GPHN: variants seen among roughly 807,000 people sequenced by gnomAD.
GPHN encodes the protein gephyrin.
A neutral mutation model predicts 95.5 loss-of-function variants in GPHN; 17 were observed. The ratio of observed to expected loss-of-function variants is 0.18; its 90% CI spans 0.12 to 0.27. GPHN has a LOEUF of 0.27. Ranked by LOEUF, GPHN falls within the 10% of genes least tolerant of loss-of-function variation. GPHN has a pLI of 1.00. For missense variants in GPHN, 660 were observed against 978.1 expected (o/e 0.67, Z 4.34); for synonymous variants, 320 against 322.5 (o/e 0.99, Z 0.08).
rs113472596 is a variant in GPHN, at chr14:66,624,489, T to C, written c.65-56618T>C. Among the ~76,000 whole-genome samples, 12 of 152,326 alleles carry C rather than the reference T, an allele frequency of 7.9e-5. 2 individuals carry two copies. The highest frequency in any genetic ancestry group is 2.9e-4 in the African/African-American group (12 of 41,562). ...TAAACGGTTGGGTCTGGTTCTCTGATAGCTTAAGTGAAAAGCTAATGGTGT... is the reference window on the plus strand; with the variant it reads ...TAAACGGTTGGGTCTGGTTCTCTGACAGCTTAAGTGAAAAGCTAATGGTGT... On this transcript the variant is annotated intron_variant, in intron 1 of 22. Transcript: ENST00000478722.
At chr14:67,156,737 G>A (rs1464185773) in intron 18 of GPHN, among the ~76,000 whole-genome samples, 1 of 152,090 alleles carries the variant, frequency 6.6e-6, no homozygotes, top group Non-Finnish European at 1.5e-5. Context: ...AGCACTTTAG[G>A]AGGCTGAGGT....
chr14:67,516,402 G>C, the GPHN span, among the ~76,000 whole-genome samples: 2 of 152,274 alleles, frequency 1.3e-5, 1 homozygote, highest in Middle Eastern at 6.8e-3. Context: ...CTGGAGAGGG[G>C]GGGAAATGAG....
At chr14:67,574,378 C>A in the GPHN span, 1 of 1,586,802 alleles carries the variant, frequency 6.3e-7, no homozygotes, top group Admixed American at 1.8e-5. The surrounding 1 kb of genome is among the most constrained non-coding windows in gnomAD (Gnocchi z 4.2). Flanking sequence ...GGCACCAAGC[C>A]CACCGTGAAG....
chr14:67,455,018 T>G, the GPHN span, among the ~76,000 whole-genome samples: 9 of 152,162 alleles, frequency 5.9e-5, no homozygotes, highest in Non-Finnish European at 1.2e-4. Flanking sequence ...GCTGGCTAAT[T>G]TTTGGATTTT....
At chr14:67,364,935 C>T in the GPHN span, 1 of 1,613,964 alleles carries the variant, frequency 6.2e-7, no homozygotes. Context: ...GAAGGCGTAT[C>T]CGTTCTATCA....
At chr14:66,642,140 A>G (rs2064449619) in intron 1 of GPHN, among the ~76,000 whole-genome samples, 2 of 152,190 alleles carry the variant, frequency 1.3e-5, no homozygotes, top group Non-Finnish European at 2.9e-5. Flanking sequence ...AATTCGTGGT[A>G]CCTGTGAATA....
chr14:67,393,147 C>G, the GPHN span: 10 of 1,606,886 alleles, frequency 6.2e-6, no homozygotes, highest in Admixed American at 1.7e-5. Flanking sequence ...GGGACAGGCT[C>G]ACCGAGGAAG....
chr14:67,388,479 C>T, the GPHN span, among the ~76,000 whole-genome samples: 1 of 152,150 alleles, frequency 6.6e-6, no homozygotes, highest in East Asian at 1.9e-4. Flanking sequence ...GAAGCTTGGG[C>T]CTCTTCATTT....
At chr14:66,581,747 A>C (rs938356990) in intron 1 of GPHN, among the ~76,000 whole-genome samples, 4 of 152,010 alleles carry the variant, frequency 2.6e-5, no homozygotes, top group African/African-American at 9.7e-5. Flanking sequence ...GAGTAGCTAT[A>C]CTTATATCAG....
chr14:67,641,224 A>G, the GPHN span, among the ~76,000 whole-genome samples: 1 of 152,170 alleles, frequency 6.6e-6, no homozygotes, highest in Non-Finnish European at 1.5e-5. Context: ...CTATGTGTAT[A>G]AAGTGTGTAT....
intron 1 of GPHN, among the ~76,000 whole-genome samples, chr14:66,528,096 A>T (rs1339559578): frequency 6.6e-6 from 1 of 152,082 alleles, no homozygotes; most frequent in Non-Finnish European, 1.5e-5. Context: ...ATTGTGTGGG[A>T]GTCTAAGTCT....
chr14:67,473,292 T>A, the GPHN span: 1 of 1,317,474 alleles, frequency 7.6e-7, no homozygotes, highest in South Asian at 1.4e-5. This position sits in a 1 kb window ranked among gnomAD's most constrained non-coding sequence, Gnocchi z 6.5. Context: ...GGGGGCTCTG[T>A]GTGCCCTATA....
chr14:66,653,945 A>C (rs1357007609), intron 1 of GPHN, among the ~76,000 whole-genome samples: 1 of 152,196 alleles, frequency 6.6e-6, no homozygotes, highest in Non-Finnish European at 1.5e-5. Context: ...CCAGGGGTGC[A>C]ATAGCAGAGT....
chr14:67,263,976 T>C, the GPHN span, among the ~76,000 whole-genome samples: 2 of 152,188 alleles, frequency 1.3e-5, no homozygotes, highest in Non-Finnish European at 2.9e-5. Context: ...AGCCCCACTA[T>C]AGCCGTGAAC....
At chr14:67,675,485 A>C in the GPHN span, among the ~76,000 whole-genome samples, 2 of 151,990 alleles carry the variant, frequency 1.3e-5, no homozygotes, top group Non-Finnish European at 2.9e-5. Flanking sequence ...AAAACAAAAA[A>C]CCCAAAAACC....
At chr14:67,331,204 C>T in the GPHN span, among the ~76,000 whole-genome samples, 40 of 152,200 alleles carry the variant, frequency 2.6e-4, no homozygotes, top group Middle Eastern at 3.4e-3. Context: ...ACCATCACGC[C>T]TGGCTATTTT....
chr14:67,295,313 G>C, the GPHN span, among the ~76,000 whole-genome samples: 3 of 151,300 alleles, frequency 2.0e-5, no homozygotes, highest in African/African-American at 7.3e-5. Context: ...GGTGAAACCT[G>C]GTCTCTACTA....
intron 11 of GPHN, among the ~76,000 whole-genome samples, chr14:67,082,037 C>G (rs1440324310): frequency 6.6e-6 from 1 of 152,140 alleles, no homozygotes; most frequent in Non-Finnish European, 1.5e-5. Context: ...AGTGTGATGT[C>G]TCCAGATTTG....
intron 2 of GPHN, among the ~76,000 whole-genome samples, chr14:66,697,436 A>C (rs906129317): frequency 6.6e-6 from 1 of 152,194 alleles, no homozygotes; most frequent in South Asian, 2.1e-4. Context: ...TAATTGTTGT[A>C]TATAAGAATG....
Sources: gnomAD v4.1 joint callset for allele counts (sites outside exome capture counted in the v4.1 genomes callset) on GRCh38, gnomAD v4.1.1 for gene constraint, Gnocchi (gnomAD v3.1) non-coding constraint, MANE v1.5 for transcripts, NCBI Gene and HGNC (gene_info 2026-07-23, HGNC 2026-07-21) for gene names.